Variants in RAPGEF6 observed in about 807,000 individuals in gnomAD.
RAPGEF6 encodes Rap guanine nucleotide exchange factor 6, also known as PDZ domain containing guanine nucleotide exchange factor (GEF) 2.
A neutral mutation model predicts 171.4 loss-of-function variants in RAPGEF6; 56 were observed. The observed-to-expected ratio is 0.33, with a 90% CI of 0.26 to 0.41. The LOEUF is 0.41. Among genes scored for constraint, RAPGEF6 ranks in the 10% least tolerant of loss-of-function variants. RAPGEF6 has a pLI of 1.00. For synonymous variants in RAPGEF6, 692 were observed against 650.1 expected (o/e 1.06, Z -0.98); for missense variants, 1,674 against 1,921.4 (o/e 0.87, Z 2.41).
chr5:131,439,589 G>C lies in RAPGEF6; in HGVS notation c.3737C>G (p.Pro1246Arg). ...GAAATGTTTTGTCTTACCTTTGTGA[G>C]GGGAGCCTTGAGGAGATGCAGGAGG... ...SSPPASPQGS[P>R]HKGYTLIPSA... Residue 1246 changes from proline to arginine, a missense_variant, in exon 24 of 28, where the codon CCT becomes CGT. By Grantham distance (103) the Pro-to-Arg change is moderately radical (BLOSUM62 -2). Around this residue, in one of 3 missense-constraint regions of RAPGEF6, gnomAD observed 552 missense variants for 574.2 expected, o/e 0.96. Coordinates refer to ENST00000509018, the MANE Select transcript of RAPGEF6 (RefSeq NM_016340.6). The C allele has an allele frequency of 6.2e-7, 1 of 1,610,556 alleles. No homozygotes were observed. Among genetic ancestry groups the C allele is most frequent in the Non-Finnish European group, 8.5e-7 (1 of 1,178,146 alleles).
intron 4 of RAPGEF6, among the ~76,000 whole-genome samples, chr5:131,571,721 A>G (rs1470187172): frequency 6.6e-6 from 1 of 152,202 alleles, no homozygotes; most frequent in African/African-American, 2.4e-5. Context: ...AACTGATGCT[A>G]GAAATCATAC....
rs1244322888 is a variant in RAPGEF6, at chr5:131,442,483, A to G, written c.3476T>C (p.Val1159Ala). The G allele has an allele frequency of 6.2e-7, 1 of 1,614,172 alleles. No homozygotes were observed. Among genetic ancestry groups the G allele is most frequent in the Admixed American group, 1.7e-5 (1 of 60,024 alleles). ...RSAKSSEMSP[V>A]PMRSAGQTTK... The stretch of plus-strand genomic sequence containing the variant: ...TGTTTGGCCAGCTGACCTCATAGGC[A>G]CTGGAGACATTTCAGATGATTTGGC... Residue 1159 changes from valine to alanine, a missense_variant, in exon 23 of 28, where the codon GTG (valine) becomes GCG (alanine). By Grantham distance (64) the Val-to-Ala change is moderately conservative. Around this residue, in one of 3 missense-constraint regions of RAPGEF6, gnomAD observed 552 missense variants for 574.2 expected, o/e 0.96. Coordinates refer to ENST00000509018, the MANE Select transcript of RAPGEF6 (RefSeq NM_016340.6).
At position 131,607,491 on chromosome 5, in the gene RAPGEF6, A is replaced by C. The variant is rs181530793; in HGVS notation, c.70-2798T>G. Among the ~76,000 whole-genome samples the C allele has an allele frequency of 1.0e-3, 158 of 152,352 alleles. 1 individual carries two copies. Among genetic ancestry groups the C allele is most frequent in the African/African-American group, 3.6e-3 (151 of 41,584 alleles). On this transcript the variant is annotated intron_variant, in intron 1 of 27. Coordinates refer to ENST00000509018, the MANE Select transcript of RAPGEF6 (RefSeq NM_016340.6). ...TTTCCATTCCAATTAGAAGATCAGA[A>C]AAAAATCTGCATCCATGCAAGGCAA...
At chr5:131,518,845 C>T (rs1029522624) in intron 7 of RAPGEF6, among the ~76,000 whole-genome samples, 2 of 151,838 alleles carry the variant, frequency 1.3e-5, no homozygotes, top group African/African-American at 4.8e-5. Flanking sequence ...TTTATTTTAT[C>T]TTTATTCCTT....
In RAPGEF6 at chr5:131,545,604, C is replaced by T. The variant is rs530416162; in HGVS notation, c.495+2443G>A. ...TGCTACATAGCATCCTTACCTAGAC[C>T]AACTGCCAATATTGCAGGACACTGG... On this transcript the variant is annotated intron_variant, in intron 6 of 27. Coordinates refer to ENST00000509018, the MANE Select transcript of RAPGEF6 (RefSeq NM_016340.6). Among the ~76,000 whole-genome samples, 13 of 152,288 alleles carry T rather than the reference C, an allele frequency of 8.5e-5. No homozygotes were observed. The South Asian group carries it at 2.1e-3, about 24-fold the overall frequency.
chr5:131,543,738 G>C (rs3776004), intron 6 of RAPGEF6, among the ~76,000 whole-genome samples: 118,835 of 152,044 alleles, frequency 0.78, 46,783 homozygotes, highest in African/African-American at 0.84. Context: ...AAATACTGGA[G>C]TTTTTATACT....
intron 4 of RAPGEF6, among the ~76,000 whole-genome samples, chr5:131,573,017 G>C (rs369504899): frequency 6.6e-6 from 1 of 152,136 alleles, no homozygotes; most frequent in South Asian, 2.1e-4. Context: ...TCTGCTCCCA[G>C]TGCGACTCAT....
chr5:131,604,124 G>C (rs1358689274), intron 2 of RAPGEF6, among the ~76,000 whole-genome samples: 1 of 152,136 alleles, frequency 6.6e-6, no homozygotes, highest in East Asian at 1.9e-4. Flanking sequence ...CAAGATTCCT[G>C]CTCCTTTCAC....
chr5:131,480,639 C>G (rs537621705), intron 15 of RAPGEF6, among the ~76,000 whole-genome samples: 1 of 151,956 alleles, frequency 6.6e-6, no homozygotes, highest in Non-Finnish European at 1.5e-5. Context: ...TCACCACACC[C>G]GGCTAATTTT....
intron 1 of RAPGEF6, among the ~76,000 whole-genome samples, chr5:131,606,262 A>G (rs748996334): frequency 8.6e-5 from 13 of 150,932 alleles, no homozygotes; most frequent in Non-Finnish European, 1.6e-4. Context: ...GCTACTTAGG[A>G]AGCTGAGGTG....
At chr5:131,504,867 T>G in intron 10 of RAPGEF6, 89 bp from the exon 11 acceptor site, 1 of 1,208,502 alleles carries the variant, frequency 8.3e-7, no homozygotes, top group Non-Finnish European at 1.1e-6. Context: ...AGGTAAGAAA[T>G]CTAGCGGCAT....
rs151165177 is a variant in RAPGEF6, at chr5:131,468,920, A to G, written c.2239+3667T>C. ...TTTTGCAGGTCAAATGGCAAAACACATATTTTTTAGGCACTTATATAATGA... is the reference window on the plus strand; with the variant it reads ...TTTTGCAGGTCAAATGGCAAAACACGTATTTTTTAGGCACTTATATAATGA... On this transcript the variant is annotated intron_variant, in intron 17 of 27. Transcript: ENST00000509018. Among the ~76,000 whole-genome samples the G allele has an allele frequency of 4.6e-5, 7 of 152,376 alleles. No homozygotes were observed. The East Asian group carries it at 7.7e-4, about 17-fold the overall frequency.
intron 4 of RAPGEF6, among the ~76,000 whole-genome samples, chr5:131,573,286 C>G (rs1762414928): frequency 6.6e-6 from 1 of 152,160 alleles, no homozygotes; most frequent in Non-Finnish European, 1.5e-5. Flanking sequence ...ACCTGCCCAA[C>G]AATTTCCTCT....
intron 19 of RAPGEF6, among the ~76,000 whole-genome samples, chr5:131,460,149 C>G (rs1753815492): frequency 1.3e-5 from 2 of 152,074 alleles, no homozygotes; most frequent in African/African-American, 4.8e-5. Flanking sequence ...TGTAACAAAA[C>G]AAATCTTTTA....
At chr5:131,543,011 T>A (rs1404813086) in intron 6 of RAPGEF6, among the ~76,000 whole-genome samples, 1 of 152,214 alleles carries the variant, frequency 6.6e-6, no homozygotes, top group Non-Finnish European at 1.5e-5. Flanking sequence ...GCTATCAATT[T>A]CGATGGCACA....
At chr5:131,498,750 G>A (rs763916834) in intron 11 of RAPGEF6, 143 bp from the exon 12 acceptor site, 141 of 742,992 alleles carry the variant, frequency 1.9e-4, no homozygotes, top group Non-Finnish European at 2.9e-4. Context: ...TTAGCGCTGG[G>A]AGAATTGGAA....
intron 17 of RAPGEF6, among the ~76,000 whole-genome samples, chr5:131,471,382 G>T (rs1754725159): frequency 6.6e-6 from 1 of 152,090 alleles, no homozygotes; most frequent in Admixed American, 6.5e-5. Flanking sequence ...TATGTCCTGA[G>T]GTTTTTATTT....
rs1754150359 is a variant in RAPGEF6 at position 131,464,155 on chromosome 5, G to A, written c.2366C>T (p.Ala789Val). 2 of 1,613,966 alleles carry A rather than the reference G, an allele frequency of 1.2e-6. No individual in the cohort carries two copies. Among genetic ancestry groups the A allele is most frequent in the Non-Finnish European group, 8.5e-7 (1 of 1,179,930 alleles). Residue 789 changes from alanine (A) to valine (V), a missense_variant, in exon 18 of 28, where the codon GCA becomes GTA. Ala to Val is a moderately conservative substitution (Grantham distance 64). Around this residue, in one of 3 missense-constraint regions of RAPGEF6, gnomAD observed 1,116 missense variants for 1,321.5 expected, o/e 0.84. Coordinates refer to ENST00000509018, the MANE Select transcript of RAPGEF6 (RefSeq NM_016340.6). The part of the protein sequence containing the change: ...HAVHEFGLTG[A>V]SDTYSLCEVS... ...TTCACAGAGAGAATATGTGTCGGAT[G>A]CACCGGTCAAACCAAATTCATGAAC...
At chr5:131,467,656 C>A (rs974633681) in intron 17 of RAPGEF6, among the ~76,000 whole-genome samples, 1 of 152,178 alleles carries the variant, frequency 6.6e-6, no homozygotes, top group Non-Finnish European at 1.5e-5. Flanking sequence ...AAAAAATGAT[C>A]CAATCATTTC....
Sources: gnomAD v4.1 joint callset for allele counts (sites outside exome capture counted in the v4.1 genomes callset) on GRCh38, gnomAD v4.1.1 for gene constraint, gnomAD v4.1.1 regional missense constraint, MANE v1.5 for transcripts, NCBI Gene and HGNC (gene_info 2026-07-23, HGNC 2026-07-21) for gene names.